Variants in RBMS3 observed in about 807,000 individuals in gnomAD.
RBMS3 encodes the protein RNA-binding motif, single-stranded-interacting protein 3.
Under a neutral mutation model 66.8 loss-of-function variants are expected in RBMS3, and 27 were observed. The ratio of observed to expected loss-of-function variants is 0.40; its 90% CI spans 0.30 to 0.56. The LOEUF is 0.56. RBMS3 is among the 20% of genes least tolerant of loss of function. The pLI is 0.40. For synonymous variants in RBMS3, 188 were observed against 183.0 expected (o/e 1.03, Z -0.22); for missense variants, 513 against 549.5 (o/e 0.93, Z 0.66).
At chr3:29,302,128 A>C (rs1575500132) in intron 1 of RBMS3, among the ~76,000 whole-genome samples, 1 of 151,700 alleles carries the variant, frequency 6.6e-6, no homozygotes, top group African/African-American at 2.4e-5. Context: ...TCCTGCCTCA[A>C]CCTCCCGAAT....
intron 6 of RBMS3, among the ~76,000 whole-genome samples, chr3:29,842,524 C>G (rs572451495): frequency 6.6e-6 from 1 of 152,240 alleles, no homozygotes; most frequent in African/African-American, 2.4e-5. Flanking sequence ...TTATTATTAT[C>G]TACAACAATA....
intron 3 of RBMS3, among the ~76,000 whole-genome samples, chr3:29,525,604 A>T (rs2045062185): frequency 2.6e-5 from 4 of 152,200 alleles, no homozygotes; most frequent in Non-Finnish European, 5.9e-5. Context: ...GTCAATAGGA[A>T]CACAGAAAAG....
chr3:29,478,974 A>G (rs545945642), intron 2 of RBMS3, among the ~76,000 whole-genome samples: 5 of 152,248 alleles, frequency 3.3e-5, no homozygotes, highest in Non-Finnish European at 7.4e-5. Context: ...AACCTTACAC[A>G]TGTTTTTTTG....
intron 1 of RBMS3, among the ~76,000 whole-genome samples, chr3:29,292,432 T>A (rs2125426683): frequency 6.6e-6 from 1 of 151,988 alleles, no homozygotes; most frequent in South Asian, 2.1e-4. Context: ...TAACTACTAT[T>A]TTTTTACTTT....
At chr3:29,869,666 T>G (rs1411041550) in intron 7 of RBMS3, among the ~76,000 whole-genome samples, 1 of 152,170 alleles carries the variant, frequency 6.6e-6, no homozygotes, top group African/African-American at 2.4e-5. Context: ...TGGGTTCTTT[T>G]TGTTACTTTT....
chr3:29,357,920 GT>G (rs1411939570), intron 1 of RBMS3, among the ~76,000 whole-genome samples: 2 of 151,870 alleles, frequency 1.3e-5, no homozygotes, highest in Non-Finnish European at 2.9e-5. Context: ...TTGTAAATTT[GT>G]TTGAGTTATT....
At chr3:29,446,636 T>C (rs1423076106) in intron 2 of RBMS3, among the ~76,000 whole-genome samples, 9 of 152,102 alleles carry the variant, frequency 5.9e-5, no homozygotes, top group Non-Finnish European at 1.3e-4. Context: ...TGCATAAACA[T>C]GTCATAATAG....
chr3:29,856,403 G>A (rs1251182965), intron 6 of RBMS3, among the ~76,000 whole-genome samples: 2 of 152,170 alleles, frequency 1.3e-5, no homozygotes, highest in Non-Finnish European at 2.9e-5. Context: ...GATTGTGAAA[G>A]GTCTCAGCCC....
At chr3:29,521,240 C>T (rs1313717827) in intron 3 of RBMS3, among the ~76,000 whole-genome samples, 2 of 152,080 alleles carry the variant, frequency 1.3e-5, no homozygotes, top group Non-Finnish European at 2.9e-5. Context: ...CTTCATAACC[C>T]ACAGAACTTA....
intron 6 of RBMS3, among the ~76,000 whole-genome samples, chr3:29,843,287 C>T (rs1404397526): frequency 6.6e-6 from 1 of 152,088 alleles, no homozygotes; most frequent in East Asian, 1.9e-4. Context: ...GACAAATTTT[C>T]CTTGAACTTG....
intron 11 of RBMS3, among the ~76,000 whole-genome samples, chr3:29,938,962 G>A (rs920130645): frequency 1.3e-5 from 2 of 151,956 alleles, no homozygotes; most frequent in Non-Finnish European, 2.9e-5. Context: ...GTGATACCCA[G>A]TATGTGCTTC....
chr3:29,360,306 C>G (rs181221272), intron 1 of RBMS3, among the ~76,000 whole-genome samples: 1 of 151,674 alleles, frequency 6.6e-6, no homozygotes, highest in Non-Finnish European at 1.5e-5. Context: ...CGTTATGTAC[C>G]CAGTAGTCAT....
intron 6 of RBMS3, among the ~76,000 whole-genome samples, chr3:29,820,425 G>T (rs576706098): frequency 6.6e-6 from 1 of 151,742 alleles, no homozygotes; most frequent in Non-Finnish European, 1.5e-5. Flanking sequence ...TCTATTAGAG[G>T]ATTGAATCTA....
intron 5 of RBMS3, among the ~76,000 whole-genome samples, chr3:29,742,117 G>A (rs1189750188): frequency 1.3e-5 from 2 of 152,094 alleles, no homozygotes; most frequent in African/African-American, 2.4e-5. Context: ...TGCTTAAAAT[G>A]AGGCATATTT....
intron 2 of RBMS3, among the ~76,000 whole-genome samples, chr3:29,447,584 A>T (rs1209672339): frequency 1.3e-5 from 2 of 152,216 alleles, no homozygotes; most frequent in Admixed American, 6.5e-5. Context: ...CTTGAATAGT[A>T]AAGATAGTTA....
chr3:29,512,887 T>G (rs186499389), intron 3 of RBMS3, among the ~76,000 whole-genome samples: 20 of 152,268 alleles, frequency 1.3e-4, no homozygotes, highest in Admixed American at 9.2e-4. Context: ...GTTCCAAAAG[T>G]CCTTAGCTGA....
At chr3:29,547,546 C>G (rs941077946) in intron 3 of RBMS3, among the ~76,000 whole-genome samples, 6 of 151,874 alleles carry the variant, frequency 4.0e-5, no homozygotes, top group Non-Finnish European at 8.8e-5. Context: ...ATGGAAGTAT[C>G]CAATCCTTAA....
intron 6 of RBMS3, among the ~76,000 whole-genome samples, chr3:29,798,223 T>C (rs1163352072): frequency 7.1e-6 from 1 of 140,900 alleles, no homozygotes; most frequent in Non-Finnish European, 1.5e-5. Flanking sequence ...ATGACCAAGG[T>C]ATGACACAGA....
At chr3:29,782,995 T>C (rs946686487) in intron 6 of RBMS3, among the ~76,000 whole-genome samples, 1 of 151,886 alleles carries the variant, frequency 6.6e-6, no homozygotes, top group Non-Finnish European at 1.5e-5. Context: ...GAAAAAAGAA[T>C]TTAAAAAAAA....
Sources: allele counts gnomAD v4.1 joint callset (sites outside exome capture counted in the v4.1 genomes callset), GRCh38; gene constraint gnomAD v4.1.1; transcripts MANE v1.5; gene names NCBI Gene and HGNC (gene_info 2026-07-23, HGNC 2026-07-21).